Variants in BMPR1A observed in about 807,000 individuals in gnomAD.
BMPR1A encodes bone morphogenetic protein receptor type 1A.
In BMPR1A, 7 loss-of-function variants were observed where a neutral mutation model predicts 66.0. That is an observed-to-expected ratio of 0.11 (90% CI 0.06 to 0.20). The LOEUF (loss-of-function observed/expected upper bound fraction) is 0.20. BMPR1A is among the 10% of genes least tolerant of loss of function. The probability of loss-of-function intolerance (pLI) is 1.00; values close to 1 mark genes in which losing one functional copy is unlikely to be tolerated. For missense variants in BMPR1A, 408 were observed against 669.1 expected (o/e 0.61, Z 4.31); for synonymous variants, 200 against 229.7 (o/e 0.87, Z 1.17).
chr10:86,847,150 T>G (rs993957820), intron 2 of BMPR1A, among the ~76,000 whole-genome samples: 3 of 152,152 alleles, frequency 2.0e-5, no homozygotes, highest in Non-Finnish European at 4.4e-5. Flanking sequence ...CCCCTGCGCC[T>G]GGCCCATTTG....
At chr10:86,854,785 CT>C in intron 2 of BMPR1A, 2 of 246,014 alleles carry the variant, frequency 8.1e-6, no homozygotes, top group Non-Finnish European at 8.7e-6. Context: ...TTTTCAGTTT[CT>C]TTTTCCAAGT....
chr10:86,801,044 T>C (rs1474463411), intron 1 of BMPR1A, among the ~76,000 whole-genome samples: 3 of 152,248 alleles, frequency 2.0e-5, no homozygotes, highest in Non-Finnish European at 4.4e-5. Flanking sequence ...AAATATTGTT[T>C]GCATAGATGT....
intron 8 of BMPR1A, among the ~76,000 whole-genome samples, chr10:86,916,031 C>T (rs530084485): frequency 2.0e-5 from 3 of 152,176 alleles, no homozygotes; most frequent in South Asian, 2.1e-4. Flanking sequence ...TTGTGTTAAG[C>T]GCAGCAACTG....
chr10:86,847,402 A>G (rs1009299880), intron 2 of BMPR1A, among the ~76,000 whole-genome samples: 1 of 151,676 alleles, frequency 6.6e-6, no homozygotes, highest in Admixed American at 6.6e-5. Context: ...TTAACCTCTG[A>G]TTATATCTTA....
At chr10:86,818,758 C>T (rs1175209784) in intron 1 of BMPR1A, among the ~76,000 whole-genome samples, 1 of 152,174 alleles carries the variant, frequency 6.6e-6, no homozygotes, top group East Asian at 1.9e-4. Context: ...GACTGTGTAC[C>T]TGTGATCTGA....
intron 2 of BMPR1A, among the ~76,000 whole-genome samples, chr10:86,859,752 G>C (rs1054621313): frequency 1.2e-4 from 18 of 152,214 alleles, no homozygotes; most frequent in Admixed American, 8.5e-4. Flanking sequence ...GGAGGTTGCA[G>C]TGAGCCAAGA....
intron 7 of BMPR1A, among the ~76,000 whole-genome samples, chr10:86,909,569 A>G (rs960715928): frequency 2.0e-5 from 3 of 151,406 alleles, no homozygotes; most frequent in Admixed American, 1.3e-4. Context: ...CTGGGCGACA[A>G]GAGTGAGACC....
At chr10:86,885,629 A>G (rs984967338) in intron 3 of BMPR1A, among the ~76,000 whole-genome samples, 1 of 152,176 alleles carries the variant, frequency 6.6e-6, no homozygotes, top group Admixed American at 6.5e-5. Flanking sequence ...GCTTCCTTGT[A>G]CTTGACTTTC....
intron 1 of BMPR1A, among the ~76,000 whole-genome samples, chr10:86,765,882 C>T (rs1467516517): frequency 1.3e-5 from 2 of 151,874 alleles, no homozygotes; most frequent in Admixed American, 6.6e-5. Flanking sequence ...TTTTTCTGTC[C>T]CCATTTCCTA....
At chr10:86,918,955 TATTAAG>T (rs1843616409) in intron 9 of BMPR1A, among the ~76,000 whole-genome samples, 1 of 152,142 alleles carries the variant, frequency 6.6e-6, no homozygotes, top group Admixed American at 6.5e-5. Context: ...CTTTCATGAT[TATTAAG>T]ATTATTATAA....
intron 10 of BMPR1A, among the ~76,000 whole-genome samples, chr10:86,920,745 A>G (rs1300647318): frequency 6.6e-6 from 1 of 151,996 alleles, no homozygotes; most frequent in Non-Finnish European, 1.5e-5. Context: ...ACAAAGCCTT[A>G]GTGTATCATA....
chr10:86,922,043 TC>T (rs61246590), intron 11 of BMPR1A, among the ~76,000 whole-genome samples: 14 of 151,794 alleles, frequency 9.2e-5, no homozygotes, highest in East Asian at 5.8e-4. Context: ...TTATTAAACA[TC>T]CCCCCCCATC....
At chr10:86,884,288 G>C (rs1810124694) in intron 3 of BMPR1A, among the ~76,000 whole-genome samples, 1 of 148,632 alleles carries the variant, frequency 6.7e-6, no homozygotes, top group South Asian at 2.1e-4. Context: ...GTCTCAGCAT[G>C]TTTCCCAGGC....
chr10:86,875,748 C>A, intron 2 of BMPR1A, 119 bp from the exon 3 acceptor site: 7 of 461,764 alleles, frequency 1.5e-5, no homozygotes, highest in Non-Finnish European at 2.3e-5. Flanking sequence ...TACCTTTAAT[C>A]TTTTAAAATG....
chr10:86,819,375 A>G (rs536927282), intron 1 of BMPR1A, among the ~76,000 whole-genome samples: 15 of 151,920 alleles, frequency 9.9e-5, no homozygotes, highest in Non-Finnish European at 1.8e-4. Context: ...CAGTGGTGCG[A>G]TCTCAGGTCA....
At chr10:86,859,845 G>A (rs1379984505) in intron 2 of BMPR1A, among the ~76,000 whole-genome samples, 1 of 151,984 alleles carries the variant, frequency 6.6e-6, no homozygotes, top group Non-Finnish European at 1.5e-5. Flanking sequence ...ATTGACCCAT[G>A]CAGTTCCAAC....
intron 1 of BMPR1A, among the ~76,000 whole-genome samples, chr10:86,800,131 C>A (rs1564689043): frequency 6.6e-6 from 1 of 152,100 alleles, no homozygotes; most frequent in South Asian, 2.1e-4. Context: ...TAGTGGCCAA[C>A]AATTAAAAAT....
At chr10:86,821,323 A>G (rs1489147529) in intron 1 of BMPR1A, among the ~76,000 whole-genome samples, 2 of 152,236 alleles carry the variant, frequency 1.3e-5, no homozygotes, top group Non-Finnish European at 2.9e-5. Context: ...GTGAGCTAAC[A>G]CATAGAAATA....
At chr10:86,858,422 T>C (rs543561029) in intron 2 of BMPR1A, among the ~76,000 whole-genome samples, 2 of 152,248 alleles carry the variant, frequency 1.3e-5, no homozygotes, top group Non-Finnish European at 2.9e-5. Context: ...CAAAATGATA[T>C]AGTGAAAGAT....
Sources: allele counts gnomAD v4.1 joint callset (sites outside exome capture counted in the v4.1 genomes callset), GRCh38; gene constraint gnomAD v4.1.1; transcripts MANE v1.5; gene names NCBI Gene and HGNC (gene_info 2026-07-23, HGNC 2026-07-21).